Variants in CARD9 observed in about 807,000 individuals in gnomAD.
CARD9 encodes caspase recruitment domain family member 9, also known as caspase recruitment domain-containing protein 9.
CARD9 carries 53 observed loss-of-function variants against 66.0 expected under a neutral mutation model. That is an observed-to-expected ratio of 0.80 (90% CI 0.64 to 1.01). The LOEUF (loss-of-function observed/expected upper bound fraction) is 1.01, where lower values mean the gene tolerates loss of function less well. CARD9 is among the 50% of genes least tolerant of loss of function. CARD9 has a pLI of 0.00. For missense variants in CARD9, 769 were observed against 743.2 expected, an observed-to-expected ratio of 1.03 and a Z score of -0.40; for synonymous variants, 387 against 313.8, an observed-to-expected ratio of 1.23 and a Z score of -2.47.
chr9:136,371,529 T>TGGGGGGGGGGGGGGGGGCCCGG, intron 2 of CARD9, 68 bp from the exon 3 acceptor site: 7 of 490,228 alleles, frequency 1.4e-5, no homozygotes, highest in East Asian at 4.9e-5. Flanking sequence ...TGGGTGGGCC[T>TGGGGGGGGGGGGGGGGGCCCGG]GGGGGCAGGG....
At position 136,364,010 on chromosome 9, in the gene CARD9, A is replaced by G. The variant is rs1135314; in HGVS notation, c.*292T>C. 414,878 of 1,296,282 alleles carry G rather than the reference A, an allele frequency of 0.32. 69,305 individuals are homozygous for G. The highest frequency in any genetic ancestry group is 0.45 in the Admixed American group (22,622 of 50,700). 80.3% of individuals were successfully genotyped at this position (1,296,282 alleles called of 1,614,324 possible). On this transcript the variant is annotated 3_prime_UTR_variant, in exon 13 of 13. Coordinates refer to ENST00000371732, the MANE Select transcript of CARD9 (RefSeq NM_052813.5). ...AGCTGTGTTTTCTAACACTAATACA[A>G]TGCATGCATGTATTGTGTGTTACAT...
At chr9:136,371,865 G>C in intron 2 of CARD9, 30 bp downstream of exon 2, 4 of 1,571,526 alleles carry the variant, frequency 2.5e-6, no homozygotes, top group Non-Finnish European at 3.5e-6. Flanking sequence ...GGTTGGGTTT[G>C]GGGCCTGGGG....
intron 2 of CARD9, 136 bp downstream of exon 2, chr9:136,371,759 G>T: frequency 7.1e-7 from 1 of 1,409,570 alleles, no homozygotes; most frequent in Non-Finnish European, 9.6e-7. Context: ...TTGAGGTTGG[G>T]CCTCAGTCAG....
chr9:136,372,224 C>T, intron 1 of CARD9, 130 bp from the exon 2 acceptor site: 1 of 1,286,070 alleles, frequency 7.8e-7, no homozygotes, highest in Non-Finnish European at 1.1e-6. Flanking sequence ...CCAGGGGCAT[C>T]CAGGAGAGGT....
chr9:136,370,376 G>A lies in CARD9; in HGVS notation c.869C>T (p.Ala290Val), dbSNP rs1442047796. 5.6e-6 allele frequency: 9 copies of A among 1,609,736 alleles called. No individual in the cohort carries two copies. Among genetic ancestry groups the A allele is most frequent in the African/African-American group, 2.7e-5 (2 of 74,862 alleles). The change falls in exon 6 of 13, where the codon GCG (alanine) becomes GTG (valine). Residue 290 changes from alanine (A) to valine (V), a missense_variant. Ala to Val is a moderately conservative substitution (Grantham distance 64). Transcript: ENST00000371732. Reference protein sequence around the residue: ...IQVLEEDWRQALRDHQEQANT... With the variant: ...IQVLEEDWRQVLRDHQEQANT... ...GGCCTGCTCCTGGTGGTCCCGCAGC[G>A]CCTGCCGCCAGTCCTCCTCCAGTAC...
intron 10 of CARD9, 131 bp downstream of exon 10, chr9:136,366,667 CCA>C (rs1281423659): frequency 4.1e-6 from 4 of 968,160 alleles, no homozygotes; most frequent in Admixed American, 1.8e-5. Context: ...ATCCCCAGCC[CCA>C]GTTTCCCTGT....
chr9:136,368,409 G>A (rs140887124), intron 7 of CARD9, among the ~76,000 whole-genome samples: 1 of 152,376 alleles, frequency 6.6e-6, no homozygotes, highest in Non-Finnish European at 1.5e-5. Context: ...GGGCACAGCT[G>A]GATCTGCCCT....
intron 2 of CARD9, 23 bp from the exon 3 acceptor site, chr9:136,371,484 T>A (rs1564370029): frequency 9.5e-7 from 1 of 1,054,246 alleles, no homozygotes; most frequent in East Asian, 5.5e-5. Flanking sequence ...GAGGCCTAAC[T>A]GGGGGCGGGG....
Position 136,372,019 on chromosome 9 carries a change from C to T in CARD9, c.60G>A (p.Thr20=), listed in dbSNP as rs762485899. The T allele has an allele frequency of 6.8e-6, 11 of 1,612,680 alleles. No homozygotes were observed. The highest frequency in any genetic ancestry group is 4.5e-5 in the East Asian group (2 of 44,886). The change falls in exon 2 of 13, where the codon ACG becomes ACA. Residue 20 remains threonine (T), a synonymous_variant. Coordinates refer to ENST00000371732, the MANE Select transcript of CARD9 (RefSeq NM_052813.5). ...GTGAGGGGTCGATGACCGAGGTGAG[C>T]GTCACCCGGAAGCCCTCCAGGACGC... ...CWSVLEGFRV[T]LTSVIDPSRI...
At chr9:136,372,410 C>G (rs1169736817) in intron 1 of CARD9, among the ~76,000 whole-genome samples, 1 of 152,216 alleles carries the variant, frequency 6.6e-6, no homozygotes, top group East Asian at 1.9e-4. Flanking sequence ...CAGATGGGGT[C>G]TGAGAGAGGA....
At position 136,371,367 on chromosome 9, in the gene CARD9, C is replaced by A; in HGVS notation, c.279G>T (p.Lys93Asn). Residue 93 changes from lysine (K) to asparagine (N), a missense_variant, in exon 3 of 13, where the codon AAG (lysine) becomes AAT (asparagine). Physicochemically the swap from Lys to Asn is moderately conservative, Grantham distance 94. Transcript: ENST00000371732. ...LELYYPQLYKKVTGKEPARVF... is the reference protein window; with the variant it reads ...LELYYPQLYKNVTGKEPARVF... The stretch of plus-strand genomic sequence containing the variant: ...CGCGGGCCGGCTCCTTGCCTGTGAC[C>A]TTCTTGTACAGCTGCGGGTAGTAGA... 1 of 1,602,026 alleles carries A rather than the reference C, an allele frequency of 6.2e-7. No homozygotes were observed. The highest frequency in any genetic ancestry group is 8.5e-7 in the Non-Finnish European group (1 of 1,174,792).
At chr9:136,371,563 T>A in intron 2 of CARD9, 102 bp from the exon 3 acceptor site, 1 of 1,488,962 alleles carries the variant, frequency 6.7e-7, no homozygotes. Context: ...GGCATGCAGA[T>A]GAGGTGTGCC....
chr9:136,364,431 C>G (rs758514378), intron 12 of CARD9, 30 bp from the exon 13 acceptor site: 27 of 1,541,724 alleles, frequency 1.8e-5, no homozygotes, highest in East Asian at 2.4e-5. Context: ...AGGCGCGACC[C>G]GGCTGCCGCT....
Position 136,367,241 on chromosome 9 carries a change from T to A in CARD9, c.1286A>T (p.Asp429Val). ...ETLVLSSDLE[D>V]GSPRRSQELS... The stretch of plus-strand genomic sequence containing the variant: ...CTCCTGGGACCTCCTGGGTGAGCCA[T>A]CTTCCAGGTCGGAGCTCTGTGGTCA... Residue 429 changes from aspartate (D) to valine (V), a missense_variant, in exon 9 of 13, where the codon GAT becomes GTT. Physicochemically the swap from Asp to Val is radical, Grantham distance 152. Coordinates refer to ENST00000371732, the MANE Select transcript of CARD9 (RefSeq NM_052813.5). 1 of 1,612,892 alleles carries A rather than the reference T, an allele frequency of 6.2e-7. No individual in the cohort carries two copies. Among genetic ancestry groups the A allele is most frequent in the African/African-American group, 1.3e-5 (1 of 75,044 alleles).
intron 8 of CARD9, 93 bp from the exon 9 acceptor site, chr9:136,367,350 A>C: frequency 7.1e-7 from 1 of 1,409,516 alleles, no homozygotes; most frequent in Non-Finnish European, 9.8e-7. Flanking sequence ...TCCTCCAGGG[A>C]GCCCTGGGCA....
At chr9:136,366,609 A>C in intron 10 of CARD9, 191 bp downstream of exon 10, 1 of 652,060 alleles carries the variant, frequency 1.5e-6, no homozygotes. Flanking sequence ...CCTGGGTTCC[A>C]GCTGGGCTCT....
intron 1 of CARD9, among the ~76,000 whole-genome samples, 178 bp downstream of exon 1, chr9:136,373,354 C>A (rs1833320281): frequency 6.6e-6 from 1 of 152,246 alleles, no homozygotes; most frequent in South Asian, 2.1e-4. Flanking sequence ...CACCGTAATT[C>A]CACTGAAATG....
chr9:136,370,766 C>A (rs1588725127), intron 4 of CARD9, 65 bp from the exon 5 acceptor site: 1 of 1,608,044 alleles, frequency 6.2e-7, no homozygotes. Context: ...GTGGGGCCAC[C>A]CCCGACCGCC....
intron 9 of CARD9, among the ~76,000 whole-genome samples, 178 bp from the exon 10 acceptor site, chr9:136,367,023 G>A (rs1833140475): frequency 6.6e-6 from 1 of 152,212 alleles, no homozygotes; most frequent in Non-Finnish European, 1.5e-5. Flanking sequence ...CAGGAGGTGG[G>A]CACTGTCCGT....
Sources: allele counts gnomAD v4.1 joint callset (sites outside exome capture counted in the v4.1 genomes callset), GRCh38; gene constraint gnomAD v4.1.1; transcripts MANE v1.5; gene names NCBI Gene and HGNC (gene_info 2026-07-23, HGNC 2026-07-21).